SGCZ: variants seen among roughly 807,000 people sequenced by gnomAD.
SGCZ encodes the protein sarcoglycan zeta.
Under a neutral mutation model 41.3 loss-of-function variants are expected in SGCZ, and 40 were observed. That is an observed-to-expected ratio of 0.97 (90% CI 0.75 to 1.26). The LOEUF (loss-of-function observed/expected upper bound fraction) is 1.26. Ranked by LOEUF, SGCZ falls within the 50% of genes most tolerant of loss-of-function variation. SGCZ has a pLI of 0.00. For synonymous variants in SGCZ, 206 were observed against 137.5 expected (o/e 1.50, Z -3.49); for missense variants, 552 against 369.8 (o/e 1.49, Z -4.04).
intron 4 of SGCZ, among the ~76,000 whole-genome samples, chr8:14,178,843 A>G (rs1804633505): frequency 6.6e-6 from 1 of 152,242 alleles, no homozygotes; most frequent in Non-Finnish European, 1.5e-5. Flanking sequence ...TATGTACTTC[A>G]AAAGCTTAAA....
At chr8:14,449,132 G>GGAATTGT (rs1800518618) in intron 2 of SGCZ, among the ~76,000 whole-genome samples, 1 of 152,136 alleles carries the variant, frequency 6.6e-6, no homozygotes, top group Non-Finnish European at 1.5e-5. Flanking sequence ...CATTCGGGGA[G>GGAATTGT]GAATTGTGCT....
intron 1 of SGCZ, among the ~76,000 whole-genome samples, chr8:15,225,214 A>G (rs2117193909): frequency 6.6e-6 from 1 of 152,268 alleles, no homozygotes; most frequent in East Asian, 1.9e-4. Context: ...CAAACTTCAA[A>G]TGATTGGTAT....
At chr8:14,358,797 G>C (rs1803394697) in intron 2 of SGCZ, among the ~76,000 whole-genome samples, 1 of 151,978 alleles carries the variant, frequency 6.6e-6, no homozygotes, top group African/African-American at 2.4e-5. Flanking sequence ...TTTTAGTAGA[G>C]ATGGGGTTTC....
At chr8:14,924,772 G>T (rs1458129033) in intron 1 of SGCZ, among the ~76,000 whole-genome samples, 1 of 150,460 alleles carries the variant, frequency 6.6e-6, no homozygotes, top group East Asian at 1.9e-4. Flanking sequence ...TTAAAAGTTT[G>T]ATTTGTTAAA....
rs146970015 is a variant in SGCZ at position 14,468,665 on chromosome 8, G to A, written c.234+86067C>T. On this transcript the variant is annotated intron_variant, in intron 2 of 7. Transcript: ENST00000382080. ...ATCTTTCTAATGCCACAGATAAACCGTAGACACTAACACCTTAAGTAATTT... is the reference window on the plus strand; with the variant it reads ...ATCTTTCTAATGCCACAGATAAACCATAGACACTAACACCTTAAGTAATTT... Among the ~76,000 whole-genome samples the A allele has an allele frequency of 5.4e-4, 82 of 152,088 alleles. No homozygotes were observed. In the East Asian group the frequency reaches 9.9e-3, roughly 18 times the overall value.
rs140224880 is a variant in SGCZ at position 14,288,479 on chromosome 8, C to T, written c.336+35624G>A. Among the ~76,000 whole-genome samples, 529 of 152,178 alleles carry T rather than the reference C, an allele frequency of 3.5e-3. 2 individuals carry two copies. Among genetic ancestry groups the T allele is most frequent in the African/African-American group, 0.011 (459 of 41,554 alleles). On this transcript the variant is annotated intron_variant, in intron 3 of 7. Transcript: ENST00000382080. The stretch of plus-strand genomic sequence containing the variant: ...CACTGGTAACCTCTAACCTGCTCTC[C>T]ATCTCCACGGCTTTGACTATAATGG...
At chr8:14,242,377 C>T (rs577015306) in intron 3 of SGCZ, among the ~76,000 whole-genome samples, 1 of 152,224 alleles carries the variant, frequency 6.6e-6, no homozygotes, top group Admixed American at 6.5e-5. Context: ...TAAAACCATC[C>T]ACGAAGGGTC....
At chr8:14,182,839 A>G (rs1455845613) in intron 4 of SGCZ, among the ~76,000 whole-genome samples, 1 of 151,856 alleles carries the variant, frequency 6.6e-6, no homozygotes, top group Non-Finnish European at 1.5e-5. Flanking sequence ...GTGAAACCCC[A>G]TCTCTACTAA....
intron 1 of SGCZ, among the ~76,000 whole-genome samples, chr8:14,724,318 T>G (rs1369717164): frequency 1.3e-5 from 2 of 151,902 alleles, no homozygotes; most frequent in Non-Finnish European, 2.9e-5. Context: ...TATGTGTATA[T>G]ATATATGTGT....
At chr8:14,830,737 A>C (rs576171064) in intron 1 of SGCZ, among the ~76,000 whole-genome samples, 2 of 152,300 alleles carry the variant, frequency 1.3e-5, no homozygotes, top group East Asian at 3.9e-4. Context: ...TTATATTACA[A>C]GTCAGCCAAT....
chr8:14,490,174 T>C (rs1210635039), intron 2 of SGCZ, among the ~76,000 whole-genome samples: 1 of 152,134 alleles, frequency 6.6e-6, no homozygotes, highest in Admixed American at 6.6e-5. Context: ...CCAACTCTCC[T>C]GCCTTTTATT....
chr8:14,671,057 T>C (rs1312457332), intron 1 of SGCZ, among the ~76,000 whole-genome samples: 1 of 152,242 alleles, frequency 6.6e-6, no homozygotes, highest in Non-Finnish European at 1.5e-5. Context: ...AGGAGTCCAC[T>C]GCGCATTCAT....
intron 1 of SGCZ, among the ~76,000 whole-genome samples, chr8:14,665,976 G>T (rs547315777): frequency 1.3e-5 from 2 of 152,132 alleles, no homozygotes; most frequent in Admixed American, 6.6e-5. Context: ...AAAATTGAAC[G>T]TCATCCCACA....
intron 1 of SGCZ, among the ~76,000 whole-genome samples, chr8:14,695,990 T>C (rs1808948845): frequency 6.6e-6 from 1 of 152,114 alleles, no homozygotes; most frequent in African/African-American, 2.4e-5. Flanking sequence ...ATCAGTGAAA[T>C]TTTATAAGAT....
At chr8:15,067,269 G>A (rs542123161) in intron 1 of SGCZ, among the ~76,000 whole-genome samples, 3 of 152,028 alleles carry the variant, frequency 2.0e-5, no homozygotes, top group Non-Finnish European at 4.4e-5. Context: ...TGCACACACT[G>A]TACTCACAGT....
At chr8:14,733,685 A>C (rs957272394) in intron 1 of SGCZ, among the ~76,000 whole-genome samples, 1 of 152,198 alleles carries the variant, frequency 6.6e-6, no homozygotes, top group African/African-American at 2.4e-5. Context: ...ATTTAAAAGC[A>C]TGTACATCAA....
intron 3 of SGCZ, among the ~76,000 whole-genome samples, chr8:14,281,075 C>T (rs940655591): frequency 6.6e-6 from 1 of 151,744 alleles, no homozygotes; most frequent in African/African-American, 2.4e-5. Context: ...AGGTGATGTG[C>T]ATTACCATAA....
intron 1 of SGCZ, among the ~76,000 whole-genome samples, chr8:14,868,017 A>G (rs1348720186): frequency 6.6e-6 from 1 of 151,946 alleles, no homozygotes; most frequent in African/African-American, 2.4e-5. Flanking sequence ...GTCCCTGCCT[A>G]CCTCCTTAGA....
chr8:14,783,805 A>C (rs1336368363), intron 1 of SGCZ, among the ~76,000 whole-genome samples: 1 of 152,116 alleles, frequency 6.6e-6, no homozygotes, highest in Non-Finnish European at 1.5e-5. Context: ...TGTTTTATTT[A>C]ATTTCCCAAA....
Sources: gnomAD v4.1 joint callset for allele counts (sites outside exome capture counted in the v4.1 genomes callset) on GRCh38, gnomAD v4.1.1 for gene constraint, MANE v1.5 for transcripts, NCBI Gene and HGNC (gene_info 2026-07-23, HGNC 2026-07-21) for gene names.